The following AKAP6 variants were observed in gnomAD, a reference collection of about 807,000 sequenced individuals.
AKAP6 encodes A-kinase anchoring protein 6.
A neutral mutation model predicts 188.5 loss-of-function variants in AKAP6; 58 were observed. That is an observed-to-expected ratio of 0.31 (90% CI 0.25 to 0.38). The LOEUF is 0.38. AKAP6 is among the 10% of genes least tolerant of loss of function. The pLI is 1.00. For synonymous variants in AKAP6, 989 were observed against 998.6 expected, an observed-to-expected ratio of 0.99 and a Z score of 0.18; for missense variants, 2,710 against 2,740.0, an observed-to-expected ratio of 0.99 and a Z score of 0.24.
chr14:32,467,976 T>C (rs1185660196), intron 2 of AKAP6, among the ~76,000 whole-genome samples: 1 of 152,114 alleles, frequency 6.6e-6, no homozygotes, highest in African/African-American at 2.4e-5. Context: ...CAAGGGACTT[T>C]TCAATTGCTG....
chr14:32,767,305 T>C (rs959848618), intron 11 of AKAP6, among the ~76,000 whole-genome samples: 4 of 152,168 alleles, frequency 2.6e-5, no homozygotes, highest in Admixed American at 2.6e-4. Flanking sequence ...AGAAGCTTTA[T>C]TGAAAACCCA....
intron 5 of AKAP6, among the ~76,000 whole-genome samples, chr14:32,595,724 TA>T (rs1020748403): frequency 2.6e-5 from 4 of 152,030 alleles, no homozygotes; most frequent in Admixed American, 6.6e-5. Context: ...TAAAATTTTT[TA>T]AAAAAACTTG....
chr14:32,584,277 A>C (rs1016010304), intron 5 of AKAP6, among the ~76,000 whole-genome samples: 1 of 152,216 alleles, frequency 6.6e-6, no homozygotes, highest in African/African-American at 2.4e-5. Flanking sequence ...CTAAGTGACT[A>C]ATGAGCAGGT....
intron 8 of AKAP6, among the ~76,000 whole-genome samples, chr14:32,694,099 T>C (rs982047783): frequency 1.3e-5 from 2 of 151,914 alleles, no homozygotes; most frequent in Admixed American, 6.6e-5. Context: ...CGGTGGCTCA[T>C]GCCTGTAATC....
intron 1 of AKAP6, among the ~76,000 whole-genome samples, chr14:32,343,976 G>C (rs1026750865): frequency 2.0e-5 from 3 of 152,100 alleles, no homozygotes; most frequent in Non-Finnish European, 4.4e-5. Context: ...CATATACTCT[G>C]AGGTTGTTTC....
chr14:32,646,713 C>A (rs1323791932), intron 7 of AKAP6, among the ~76,000 whole-genome samples: 1 of 152,080 alleles, frequency 6.6e-6, no homozygotes, highest in Non-Finnish European at 1.5e-5. Context: ...ATATGTCTTT[C>A]TTTTCTCCCC....
chr14:32,725,961 C>G (rs2030850967), intron 9 of AKAP6, among the ~76,000 whole-genome samples: 1 of 152,062 alleles, frequency 6.6e-6, no homozygotes, highest in Admixed American at 6.6e-5. Context: ...TTAAGTAGAT[C>G]AGGATTTTTA....
intron 1 of AKAP6, among the ~76,000 whole-genome samples, chr14:32,401,306 G>A (rs1264285324): frequency 6.6e-6 from 1 of 152,110 alleles, no homozygotes; most frequent in Non-Finnish European, 1.5e-5. Context: ...CTGGTTACTT[G>A]TAGCCCCAAA....
At chr14:32,412,296 G>A (rs1046184910) in intron 1 of AKAP6, among the ~76,000 whole-genome samples, 1 of 152,158 alleles carries the variant, frequency 6.6e-6, no homozygotes, top group African/African-American at 2.4e-5. Flanking sequence ...TTCAGTACAA[G>A]CATATCACAT....
At chr14:32,404,330 C>T (rs1889202289) in intron 1 of AKAP6, among the ~76,000 whole-genome samples, 1 of 151,928 alleles carries the variant, frequency 6.6e-6, no homozygotes, top group African/African-American at 2.4e-5. Context: ...TTAATCCCCA[C>T]CTTTTGGAGA....
In AKAP6 at chr14:32,811,765, A is replaced by G. The variant is rs958986019; in HGVS notation, c.3589-9637A>G. ...CGGTTCCTAAACGTGAGTGAACTCT[A>G]TTATCTGATATAAGGCTTTTCAGGT... is the stretch of plus-strand genomic sequence containing the variant. On this transcript the variant is annotated intron_variant, in intron 12 of 13. Coordinates refer to ENST00000280979, the MANE Select transcript of AKAP6 (RefSeq NM_004274.5). Among the ~76,000 whole-genome samples the G allele has an allele frequency of 2.0e-5, 3 of 152,280 alleles. No homozygotes were observed. In the East Asian group the frequency reaches 5.8e-4, roughly 29 times the overall value.
Position 32,829,617 on chromosome 14 carries a change from TAAA to T in AKAP6, c.*43-218_*43-216del, listed in dbSNP as rs34458249. Reference sequence around the variant, plus strand: ...TGTTTTCTTTGAAACCACGTCTTTTTAAAAAAAAAAAAAAATCAATGTATTTTT... The same window carrying T: ...TGTTTTCTTTGAAACCACGTCTTTTTAAAAAAAAAAAATCAATGTATTTTT... On this transcript the variant is annotated intron_variant, in intron 13 of 13. Transcript: ENST00000280979. 4.7e-5 allele frequency among the ~76,000 whole-genome samples: 7 copies of T among 147,476 alleles called. No homozygotes were observed. In the East Asian group the frequency reaches 7.9e-4, roughly 17 times the overall value.
intron 5 of AKAP6, among the ~76,000 whole-genome samples, chr14:32,577,869 C>T (rs537012835): frequency 2.0e-5 from 3 of 152,094 alleles, no homozygotes; most frequent in African/African-American, 7.2e-5. Flanking sequence ...ATTCGATGAA[C>T]CTCGTGGGGT....
intron 8 of AKAP6, among the ~76,000 whole-genome samples, chr14:32,687,836 A>T (rs933591452): frequency 1.3e-5 from 2 of 152,220 alleles, no homozygotes; most frequent in Admixed American, 6.6e-5. Flanking sequence ...TGGATAAATG[A>T]TATTCTGACC....
chr14:32,793,821 A>C (rs2033682573), intron 12 of AKAP6, among the ~76,000 whole-genome samples: 1 of 152,040 alleles, frequency 6.6e-6, no homozygotes, highest in African/African-American at 2.4e-5. Flanking sequence ...ATATATATGC[A>C]CCCTATACAG....
intron 9 of AKAP6, among the ~76,000 whole-genome samples, chr14:32,731,781 A>T (rs912242296): frequency 1.3e-5 from 2 of 152,100 alleles, no homozygotes; most frequent in African/African-American, 4.8e-5. Context: ...CATTATCTCC[A>T]GCAAAACATC....
chr14:32,824,227 A>G lies in AKAP6; in HGVS notation c.6414A>G (p.Pro2138=), dbSNP rs780354496. The change falls in exon 13 of 14, where the codon CCA becomes CCG. Residue 2138 remains proline (P), a synonymous_variant. Transcript: ENST00000280979. ...AAGAGAAAAGCAGCACTCCATTGCC[A>G]CTAGACACCACTGACTCGGGCTTAG... The part of the protein sequence containing the change: ...YIEEKSSTPL[P]LDTTDSGLDD... The G allele has an allele frequency of 3.8e-5, 61 of 1,613,872 alleles. No homozygotes were observed. The East Asian group carries it at 1.2e-3, about 32-fold the overall frequency.
At chr14:32,714,966 G>A (rs1306016940) in intron 9 of AKAP6, among the ~76,000 whole-genome samples, 3 of 151,852 alleles carry the variant, frequency 2.0e-5, no homozygotes, top group East Asian at 3.9e-4. Context: ...GTTTGAATTC[G>A]AAGTCTACAC....
At chr14:32,797,909 A>G (rs934639588) in intron 12 of AKAP6, among the ~76,000 whole-genome samples, 10 of 148,498 alleles carry the variant, frequency 6.7e-5, no homozygotes, top group African/African-American at 2.5e-4. Flanking sequence ...TAATTAAATT[A>G]AAATGCTTCT....
Sources: allele counts gnomAD v4.1 joint callset (sites outside exome capture counted in the v4.1 genomes callset), GRCh38; gene constraint gnomAD v4.1.1; transcripts MANE v1.5; gene names NCBI Gene and HGNC (gene_info 2026-07-23, HGNC 2026-07-21).